SH3GL2: variants seen among roughly 807,000 people sequenced by gnomAD.
The protein encoded by SH3GL2 is SH3 domain containing GRB2 like 2, endophilin A1.
A neutral mutation model predicts 46.0 loss-of-function variants in SH3GL2; 24 were observed. That is an observed-to-expected ratio of 0.52 (90% confidence interval 0.38 to 0.73). The LOEUF (loss-of-function observed/expected upper bound fraction) is 0.73. Ranked by LOEUF, SH3GL2 falls within the 30% of genes least tolerant of loss-of-function variation. The pLI is 0.00. For synonymous variants in SH3GL2, 196 were observed against 147.1 expected (o/e 1.33, Z -2.40); for missense variants, 413 against 424.2 (o/e 0.97, Z 0.23).
intron 1 of SH3GL2, among the ~76,000 whole-genome samples, chr9:17,704,942 C>T (rs1025017120): frequency 1.3e-5 from 2 of 151,498 alleles, no homozygotes; most frequent in African/African-American, 4.8e-5. Flanking sequence ...AAATAGAGAT[C>T]TTCTGCACAG....
chr9:17,758,121 A>G (rs1007134408), intron 2 of SH3GL2, among the ~76,000 whole-genome samples: 3 of 152,164 alleles, frequency 2.0e-5, no homozygotes, highest in Non-Finnish European at 4.4e-5. Flanking sequence ...CTTGGGAACT[A>G]CTTTTCTCCT....
At chr9:17,746,221 G>A (rs934920142) in intron 1 of SH3GL2, among the ~76,000 whole-genome samples, 16 of 152,164 alleles carry the variant, frequency 1.1e-4, no homozygotes, top group African/African-American at 3.9e-4. Context: ...GACTACAGGT[G>A]CCCGCCACCA....
rs372270370 is a variant in SH3GL2, at chr9:17,766,667, A to G, written c.187+5158A>G. 3.2e-4 allele frequency among the ~76,000 whole-genome samples: 49 copies of G among 152,208 alleles called. 1 individual carries two copies. In the South Asian group the frequency reaches 7.9e-3, roughly 25 times the overall value. On this transcript the variant is annotated intron_variant, in intron 3 of 8. Coordinates refer to ENST00000380607, the MANE Select transcript of SH3GL2 (RefSeq NM_003026.5). ...TTAACCACTATTAAAAATTATTGAG[A>G]TATTCTATGTTTTTTTTCATACTCT...
At chr9:17,768,515 C>T (rs536713514) in intron 3 of SH3GL2, among the ~76,000 whole-genome samples, 6 of 152,056 alleles carry the variant, frequency 3.9e-5, no homozygotes, top group South Asian at 2.1e-4. Flanking sequence ...AAATACCATA[C>T]CTAAATCCTC....
At position 17,796,711 on chromosome 9, in the gene SH3GL2, T is replaced by A. The variant is rs1824282103; in HGVS notation, c.*968T>A. On this transcript the variant is annotated 3_prime_UTR_variant, in exon 9 of 9. Coordinates refer to ENST00000380607, the MANE Select transcript of SH3GL2 (RefSeq NM_003026.5). ...ATACCTTTCCTTTCCACTTTTACCC[T>A]GTGTTCTTTGAACATCATTTGTGCA... 6.5e-6 allele frequency: 1 copy of A among 152,688 alleles called. No homozygotes were observed. Among genetic ancestry groups the A allele is most frequent in the African/African-American group, 2.4e-5 (1 of 41,466 alleles). 9.5% of individuals were successfully genotyped at this position (152,688 alleles called of 1,614,324 possible). A position where few individuals can be genotyped will look rare whatever the true frequency, so the allele number is the denominator to read the frequency against.
At position 17,683,423 on chromosome 9, in the gene SH3GL2, C is replaced by T. The variant is rs113051343; in HGVS notation, c.46-63643C>T. On this transcript the variant is annotated intron_variant, in intron 1 of 8. Coordinates refer to ENST00000380607, the MANE Select transcript of SH3GL2 (RefSeq NM_003026.5). ...AAGCCTTAAGCTCCTGGGGGAAGGG[C>T]GGCAAACTCTAGGCTCAGGGGACAG... 1.8e-3 allele frequency among the ~76,000 whole-genome samples: 271 copies of T among 152,084 alleles called. 3 individuals are homozygous for T. The highest frequency in any genetic ancestry group is 5.4e-3 in the African/African-American group (224 of 41,522).
intron 1 of SH3GL2, chr9:17,735,691 A>G (rs1822314218): frequency 1.4e-6 from 1 of 731,320 alleles, no homozygotes; most frequent in Non-Finnish European, 1.7e-6. Flanking sequence ...TCCCCTGCAT[A>G]CACTGAGGGA....
At chr9:17,600,689 C>G (rs79092435) in intron 1 of SH3GL2, among the ~76,000 whole-genome samples, 3 of 152,168 alleles carry the variant, frequency 2.0e-5, no homozygotes, top group Admixed American at 6.5e-5. Flanking sequence ...CTAACTGGTT[C>G]AATGTATATG....
intron 1 of SH3GL2, among the ~76,000 whole-genome samples, chr9:17,620,322 A>G (rs989899112): frequency 2.0e-5 from 3 of 152,220 alleles, no homozygotes; most frequent in African/African-American, 7.2e-5. Flanking sequence ...CTGGGTATCC[A>G]GTGAGGAACA....
At chr9:17,581,154 G>A (rs1818270224) in intron 1 of SH3GL2, among the ~76,000 whole-genome samples, 1 of 152,198 alleles carries the variant, frequency 6.6e-6, no homozygotes, top group Non-Finnish European at 1.5e-5. Flanking sequence ...CTTATGCTGT[G>A]AAGAAGTTAC....
intron 1 of SH3GL2, among the ~76,000 whole-genome samples, chr9:17,709,913 G>C (rs192362369): frequency 6.6e-6 from 1 of 151,988 alleles, no homozygotes; most frequent in South Asian, 2.1e-4. Context: ...AGCCTAGTGA[G>C]GGAGATAGAA....
intron 1 of SH3GL2, among the ~76,000 whole-genome samples, chr9:17,670,525 A>G (rs1031574741): frequency 6.6e-6 from 1 of 152,132 alleles, no homozygotes; most frequent in Non-Finnish European, 1.5e-5. Flanking sequence ...CTTTTCAAGT[A>G]TTTTCCAAGT....
chr9:17,715,450 T>C (rs964186987), intron 1 of SH3GL2, among the ~76,000 whole-genome samples: 2 of 151,938 alleles, frequency 1.3e-5, no homozygotes, highest in Non-Finnish European at 1.5e-5. Flanking sequence ...TCACTTACTC[T>C]TCTGTTAACT....
intron 3 of SH3GL2, among the ~76,000 whole-genome samples, chr9:17,768,755 A>G (rs1823391134): frequency 6.6e-6 from 1 of 152,086 alleles, no homozygotes; most frequent in Non-Finnish European, 1.5e-5. Flanking sequence ...CAGCTTATGT[A>G]TCTCGACTCT....
At chr9:17,705,284 A>G (rs1821443040) in intron 1 of SH3GL2, among the ~76,000 whole-genome samples, 1 of 152,112 alleles carries the variant, frequency 6.6e-6, no homozygotes. Flanking sequence ...ATGCTTATAC[A>G]CTGCTGCTGG....
intron 1 of SH3GL2, among the ~76,000 whole-genome samples, chr9:17,692,886 A>G (rs540802529): frequency 7.2e-5 from 11 of 152,182 alleles, no homozygotes; most frequent in African/African-American, 1.7e-4. Context: ...CAAGAGAAAA[A>G]TGAGGAAGAA....
chr9:17,743,067 A>G (rs1822574148), intron 1 of SH3GL2, among the ~76,000 whole-genome samples: 1 of 152,224 alleles, frequency 6.6e-6, no homozygotes, highest in Admixed American at 6.5e-5. Flanking sequence ...AGTACCAGGT[A>G]AGGAGAAACA....
Position 17,793,368 on chromosome 9 carries a change from A to T in SH3GL2, c.730A>T (p.Ile244Leu). 6.2e-7 allele frequency: 1 copy of T among 1,609,934 alleles called. No individual in the cohort carries two copies. Among genetic ancestry groups the T allele is most frequent in the Non-Finnish European group, 8.5e-7 (1 of 1,178,406 alleles). ...QQVTVRLEERIRQASSQPRRE... is the reference protein window; with the variant it reads ...QQVTVRLEERLRQASSQPRRE... ...CCACCACTTTTCTTTTTACTGCAGA[A>T]TAAGACAGGCTTCATCTCAGCCTAG... The change falls in exon 8 of 9, where the codon ATA becomes TTA. Residue 244 changes from isoleucine to leucine, a missense_variant and splice_region_variant. By Grantham distance (5) the Ile-to-Leu change is conservative. This residue lies in a region of SH3GL2 where 248 missense variants were observed against 215.0 expected (regional missense o/e 1.15). Coordinates refer to ENST00000380607, the MANE Select transcript of SH3GL2 (RefSeq NM_003026.5).
chr9:17,585,015 G>A (rs1318580722), intron 1 of SH3GL2, among the ~76,000 whole-genome samples: 2 of 152,158 alleles, frequency 1.3e-5, no homozygotes, highest in Non-Finnish European at 2.9e-5. Flanking sequence ...GCAAGACTTG[G>A]TTGGGGCAAA....
Sources: allele counts gnomAD v4.1 joint callset (sites outside exome capture counted in the v4.1 genomes callset), GRCh38; gene constraint gnomAD v4.1.1; regional missense constraint gnomAD v4.1.1; transcripts MANE v1.5; gene names NCBI Gene and HGNC (gene_info 2026-07-23, HGNC 2026-07-21).